The following SBSPON variants were observed in gnomAD, a reference collection of about 807,000 sequenced individuals.
SBSPON encodes somatomedin B and thrombospondin type 1 domain containing, also known as somatomedin-B and thrombospondin type-1 domain-containing protein.
SBSPON carries 30 observed loss-of-function variants against 35.8 expected under a neutral mutation model. The observed-to-expected ratio is 0.84, with a 90% confidence interval of 0.63 to 1.14. SBSPON has a LOEUF of 1.14. SBSPON is among the 50% of genes most tolerant of loss of function. The pLI, the probability that SBSPON is intolerant of heterozygous loss-of-function variation, is 0.00. For missense variants in SBSPON, 364 were observed against 357.7 expected, an observed-to-expected ratio of 1.02 and a Z score of -0.14; for synonymous variants, 136 against 135.9, an observed-to-expected ratio of 1.00 and a Z score of 0.00.
At chr8:73,071,250 C>T (rs947743728) in intron 3 of SBSPON, among the ~76,000 whole-genome samples, 5 of 152,138 alleles carry the variant, frequency 3.3e-5, no homozygotes, top group Non-Finnish European at 7.4e-5. Flanking sequence ...GAAGAAAAAA[C>T]TGAGGTGGAA....
chr8:73,067,980 G>A (rs903356581), intron 4 of SBSPON, among the ~76,000 whole-genome samples: 2 of 151,710 alleles, frequency 1.3e-5, no homozygotes, highest in African/African-American at 4.8e-5. Context: ...TGCTTTTCCC[G>A]TTCTATCTGA....
chr8:73,082,661 T>A (rs183270929), intron 1 of SBSPON, among the ~76,000 whole-genome samples: 1 of 152,346 alleles, frequency 6.6e-6, no homozygotes, highest in East Asian at 1.9e-4. Flanking sequence ...CATGTATACA[T>A]CTTTTGGAAA....
chr8:73,072,881 C>G (rs749482252), intron 2 of SBSPON, among the ~76,000 whole-genome samples: 2 of 150,960 alleles, frequency 1.3e-5, no homozygotes, highest in Non-Finnish European at 3.0e-5. Flanking sequence ...CTCCCCACAA[C>G]CCTCCCCCAA....
intron 4 of SBSPON, among the ~76,000 whole-genome samples, chr8:73,068,376 T>C (rs1810431884): frequency 6.6e-6 from 1 of 152,194 alleles, no homozygotes; most frequent in South Asian, 2.1e-4. Context: ...AGTTATTAAA[T>C]ATGAAAACAT....
intron 2 of SBSPON, among the ~76,000 whole-genome samples, chr8:73,077,851 T>G (rs1288515783): frequency 6.6e-6 from 1 of 152,230 alleles, no homozygotes; most frequent in Non-Finnish European, 1.5e-5. Flanking sequence ...GGGAAGACAC[T>G]GCAAATCCTC....
At chr8:73,089,248 C>A (rs960028783) in intron 1 of SBSPON, among the ~76,000 whole-genome samples, 1 of 152,106 alleles carries the variant, frequency 6.6e-6, no homozygotes, top group Non-Finnish European at 1.5e-5. Flanking sequence ...ACCTGACCTG[C>A]CTTTCTTAAC....
intron 1 of SBSPON, among the ~76,000 whole-genome samples, chr8:73,086,116 C>T (rs1810820143): frequency 2.0e-5 from 3 of 152,138 alleles, no homozygotes; most frequent in African/African-American, 7.2e-5. Context: ...AACACCCACA[C>T]ATGCACACCT....
At chr8:73,091,200 G>A (rs1586103065) in intron 1 of SBSPON, among the ~76,000 whole-genome samples, 1 of 152,306 alleles carries the variant, frequency 6.6e-6, no homozygotes, top group East Asian at 1.9e-4. Flanking sequence ...CCCTCCTACA[G>A]CCTGCCTCTC....
chr8:73,077,912 A>C (rs1810622672), intron 2 of SBSPON, among the ~76,000 whole-genome samples: 1 of 152,198 alleles, frequency 6.6e-6, no homozygotes, highest in Non-Finnish European at 1.5e-5. Flanking sequence ...AGGCTCTGAA[A>C]AGTTCTTTGG....
intron 2 of SBSPON, among the ~76,000 whole-genome samples, chr8:73,077,473 T>C (rs1228638564): frequency 1.3e-5 from 2 of 152,244 alleles, no homozygotes; most frequent in Non-Finnish European, 2.9e-5. Flanking sequence ...TGTGGGCTTC[T>C]TCTCCATGCT....
intron 2 of SBSPON, among the ~76,000 whole-genome samples, chr8:73,074,150 T>C (rs1033050412): frequency 6.6e-6 from 1 of 152,212 alleles, no homozygotes; most frequent in Non-Finnish European, 1.5e-5. Context: ...CCATGCAGCA[T>C]TACACAAGTC....
At chr8:73,071,753 TA>T (rs3830249) in intron 3 of SBSPON, 26 bp downstream of exon 3, 41,119 of 1,270,240 alleles carry the variant, frequency 0.032, 495 homozygotes, top group African/African-American at 0.16. Flanking sequence ...AAAACATGAT[TA>T]AAAAAAAAAA....
intron 2 of SBSPON, among the ~76,000 whole-genome samples, chr8:73,080,050 A>G (rs935897751): frequency 6.6e-6 from 1 of 152,168 alleles, no homozygotes; most frequent in African/African-American, 2.4e-5. Context: ...GCAGATCAAC[A>G]CATCAGCTTT....
In SBSPON at chr8:73,065,870, G is replaced by A. The variant is rs1177626167; in HGVS notation, c.*1471C>T. On this transcript the variant is annotated 3_prime_UTR_variant, in exon 5 of 5. Transcript: ENST00000297354. ...TAAATGTTAGAAACAGTATGAAAAT[G>A]TTAATACTGACTTAAAGTTGCTAGC... The A allele has an allele frequency of 6.6e-6, 1 of 152,166 alleles. No homozygotes were observed. Among genetic ancestry groups the A allele is most frequent in the African/African-American group, 2.4e-5 (1 of 41,438 alleles). The allele number at this position is 152,166 out of a possible 1,614,324, so 9.4% of individuals were successfully genotyped here.
chr8:73,081,197 C>G lies in SBSPON; in HGVS notation c.231G>C (p.Val77=). 2 of 1,586,824 alleles carry G rather than the reference C, an allele frequency of 1.3e-6. No individual in the cohort carries two copies. Among genetic ancestry groups the G allele is most frequent in the African/African-American group, 2.7e-5 (2 of 74,172 alleles). Residue 77 remains valine (V), a synonymous_variant, in exon 2 of 5, where the codon GTG becomes GTC. Transcript: ENST00000297354. Reference sequence around the variant, plus strand: ...AACCACTCCAGGGGCTCCATTCCCCCACGAAGCACGGGCGAGCTGAAAAAC... The same window carrying G: ...AACCACTCCAGGGGCTCCATTCCCCGACGAAGCACGGGCGAGCTGAAAAAC... ...DRACPARPCF[V]GEWSPWSGCA... is the part of the protein sequence containing the mutation.
chr8:73,066,483 C>A lies in SBSPON; in HGVS notation c.*858G>T, dbSNP rs1810389439. ...CATCCACCCCAAACATTAGAAAATGCATGCGGTAGGAAAAAAATAGTGAGC... is the reference window on the plus strand; with the variant it reads ...CATCCACCCCAAACATTAGAAAATGAATGCGGTAGGAAAAAAATAGTGAGC... On this transcript the variant is annotated 3_prime_UTR_variant, in exon 5 of 5. Coordinates refer to ENST00000297354, the MANE Select transcript of SBSPON (RefSeq NM_153225.4). 1.3e-5 allele frequency: 2 copies of A among 152,146 alleles called. No individual in the cohort carries two copies. Among genetic ancestry groups the A allele is most frequent in the African/African-American group, 4.8e-5 (2 of 41,408 alleles). 9.4% of individuals were successfully genotyped at this position (152,146 alleles called of 1,614,324 possible).
At chr8:73,084,769 C>G (rs1193698789) in intron 1 of SBSPON, among the ~76,000 whole-genome samples, 1 of 151,240 alleles carries the variant, frequency 6.6e-6, no homozygotes, top group African/African-American at 2.4e-5. Context: ...CACACACACA[C>G]ACACACACAC....
intron 2 of SBSPON, among the ~76,000 whole-genome samples, chr8:73,077,370 C>T (rs1048167311): frequency 3.9e-5 from 6 of 152,340 alleles, no homozygotes; most frequent in South Asian, 2.1e-4. Flanking sequence ...GCCTCAAAGG[C>T]GCCTGATCTG....
At position 73,071,764 on chromosome 8, in the gene SBSPON, A is replaced by C. The variant is rs758796254; in HGVS notation, c.500+16T>G. The stretch of plus-strand genomic sequence containing the variant: ...TTGAAAAACATGATTAAAAAAAAAA[A>C]AAAACACGAAATTACCCAGCATCCT... On this transcript the variant is annotated intron_variant, in intron 3 of 4. Transcript: ENST00000297354. The C allele has an allele frequency of 2.6e-6, 4 of 1,539,110 alleles. No homozygotes were observed. The highest frequency in any genetic ancestry group is 4.5e-5 in the East Asian group (2 of 44,498).
Sources: allele counts gnomAD v4.1 joint callset (sites outside exome capture counted in the v4.1 genomes callset), GRCh38; gene constraint gnomAD v4.1.1; transcripts MANE v1.5; gene names NCBI Gene and HGNC (gene_info 2026-07-23, HGNC 2026-07-21).